DNAH17: variants seen among roughly 807,000 people sequenced by gnomAD.
The protein encoded by DNAH17 is dynein axonemal heavy chain 17, also known as axonemal beta dynein heavy chain 17.
DNAH17 carries 376 observed loss-of-function variants against 485.6 expected under a neutral mutation model. That is an observed-to-expected ratio of 0.77 (90% CI 0.71 to 0.84). DNAH17 has a LOEUF of 0.84. DNAH17 is among the 40% of genes least tolerant of loss of function. The pLI, the probability that DNAH17 is intolerant of heterozygous loss-of-function variation, is 0.00. For missense variants in DNAH17, 6,370 were observed against 5,839.3 expected (o/e 1.09, Z -2.96); for synonymous variants, 3,031 against 2,405.9 (o/e 1.26, Z -7.60).
chr17:78,531,510 T>A (rs1050231008), intron 20 of DNAH17, among the ~76,000 whole-genome samples: 1 of 151,882 alleles, frequency 6.6e-6, no homozygotes, highest in Non-Finnish European at 1.5e-5. Context: ...AGCTAATTTT[T>A]TGTATTTTCA....
chr17:78,445,030 G>A (rs527656071), intron 70 of DNAH17, among the ~76,000 whole-genome samples: 26 of 152,282 alleles, frequency 1.7e-4, no homozygotes, highest in African/African-American at 6.0e-4. Flanking sequence ...CGGACATGAG[G>A]CCTGGGATGG....
At chr17:78,466,523 G>T in intron 56 of DNAH17, 132 bp downstream of exon 56, 4 of 717,174 alleles carry the variant, frequency 5.6e-6, no homozygotes, top group Non-Finnish European at 7.8e-6. Context: ...CCTCTTAAAC[G>T]TTGAGCCCAA....
rs6501214 is a variant in DNAH17 at position 78,449,647 on chromosome 17, C to T, written c.11041-63G>A. 4.3e-3 allele frequency: 5,810 copies of T among 1,337,306 alleles called. 189 individuals carry two copies. The African/African-American group carries it at 0.072, about 17-fold the overall frequency. 82.8% of individuals were successfully genotyped at this position (1,337,306 alleles called of 1,614,324 possible). ...AGATGGAGCCCTTCACCACTCCCCG[C>T]CACCACTCCCTGCCACCTGTGGTGG... is the stretch of plus-strand genomic sequence containing the variant. On this transcript the variant is annotated intron_variant, in intron 68 of 80. Transcript: ENST00000389840.
intron 73 of DNAH17, among the ~76,000 whole-genome samples, chr17:78,438,356 C>T (rs896953819): frequency 1.0e-4 from 13 of 124,914 alleles, no homozygotes; most frequent in East Asian, 5.4e-4. Flanking sequence ...GTCGTGCTAG[C>T]GTTGAACCAA....
rs150966368 is a variant in DNAH17, at chr17:78,486,468, G to A, written c.6857C>T (p.Ser2286Leu). The change falls in exon 45 of 81, where the codon TCG becomes TTG. Residue 2286 changes from serine to leucine, a missense_variant. Ser to Leu is a moderately radical substitution (Grantham distance 145, BLOSUM62 -2). Transcript: ENST00000389840. ...GAGGATCATCAGGTTGGCCTTCTCC[G>A]ACTGCACCTTGCGCCTCTCGATCCA... ...SSWIERRKVQ[S>L]EKANLMILFD... 274 of 1,612,930 alleles carry A rather than the reference G, an allele frequency of 1.7e-4. No homozygotes were observed. In the East Asian group the frequency reaches 4.8e-3, roughly 28 times the overall value.
chr17:78,425,831 T>C (rs1480360239), intron 79 of DNAH17, among the ~76,000 whole-genome samples: 1 of 148,426 alleles, frequency 6.7e-6, no homozygotes, highest in East Asian at 1.9e-4. Context: ...AGTGGTGCAA[T>C]CTTGGCTCAA....
At chr17:78,428,767 TGTTG>T in intron 76 of DNAH17, 60 bp from the exon 77 acceptor site, 4 of 1,588,918 alleles carry the variant, frequency 2.5e-6, no homozygotes, top group Non-Finnish European at 2.6e-6. Context: ...ACCCATGTCC[TGTTG>T]GTTAAGCATT....
intron 37 of DNAH17, among the ~76,000 whole-genome samples, chr17:78,498,564 C>G (rs566624355): frequency 6.6e-6 from 1 of 152,334 alleles, no homozygotes; most frequent in Admixed American, 6.5e-5. Context: ...TCGCCCCAGC[C>G]ACTCCGCTGC....
intron 43 of DNAH17, 65 bp downstream of exon 43, chr17:78,491,378 C>G (rs955477093): frequency 6.4e-7 from 1 of 1,573,438 alleles, no homozygotes; most frequent in Non-Finnish European, 8.6e-7. Flanking sequence ...GTAGGCGCCT[C>G]CCTGTGAGCC....
rs774673257 is a variant in DNAH17, at chr17:78,501,329, C to T, written c.5338G>A (p.Ala1780Thr). ...CGGAGCTGGGCCTGCCAGGTGAAGG[C>T]CTGAGAACTCTCCACCTGCAGGATG... is the stretch of plus-strand genomic sequence containing the variant. The part of the protein sequence containing the change: ...MIVAKVESSQ[A>T]FTWQAQLRHR... The change falls in exon 35 of 81, where the codon GCC becomes ACC. Residue 1780 changes from alanine to threonine, a missense_variant. Ala to Thr is a moderately conservative substitution (Grantham distance 58, BLOSUM62 0). Coordinates refer to ENST00000389840, the MANE Select transcript of DNAH17 (RefSeq NM_173628.4). The T allele has an allele frequency of 2.5e-6, 4 of 1,595,372 alleles. No individual in the cohort carries two copies. The highest frequency in any genetic ancestry group is 1.3e-5 in the African/African-American group (1 of 74,660).
intron 16 of DNAH17, 40 bp from the exon 17 acceptor site, chr17:78,544,037 G>A (rs373299270): frequency 2.0e-5 from 33 of 1,612,800 alleles, no homozygotes; most frequent in African/African-American, 1.9e-4. Flanking sequence ...GTGTTCTGGA[G>A]AAACTGCTTT....
At chr17:78,490,509 T>G (rs1415740669) in intron 44 of DNAH17, among the ~76,000 whole-genome samples, 190 bp downstream of exon 44, 1 of 151,444 alleles carries the variant, frequency 6.6e-6, no homozygotes, top group African/African-American at 2.4e-5. Flanking sequence ...CCCTGCCTCG[T>G]GTCACTGTGA....
chr17:78,510,443 A>G lies in DNAH17; in HGVS notation c.4177T>C (p.Tyr1393His), dbSNP rs1339555890. 1.9e-6 allele frequency: 3 copies of G among 1,613,674 alleles called. No homozygotes were observed. The highest frequency in any genetic ancestry group is 1.7e-5 in the Admixed American group (1 of 60,008). The change falls in exon 27 of 81, where the codon TAC (tyrosine) becomes CAC (histidine). Residue 1393 changes from tyrosine (Y) to histidine (H), a missense_variant. Tyr to His is a moderately conservative substitution (Grantham distance 83, BLOSUM62 2). Transcript: ENST00000389840. ...ACGATGTTGCGGACCTCATCCTCGT[A>G]ACTGTGGAGGTTCAGCTGCAGTAAA... ...ADLLQLNLHS[Y>H]EDEVRNIVDK... is the part of the protein sequence containing the mutation.
At chr17:78,478,384 T>C (rs1344544980) in intron 51 of DNAH17, among the ~76,000 whole-genome samples, 2 of 133,038 alleles carry the variant, frequency 1.5e-5, no homozygotes, top group Non-Finnish European at 3.1e-5. Flanking sequence ...CTGCCACCAC[T>C]ATTATCATCA....
In DNAH17 at chr17:78,445,696, G is replaced by A; in HGVS notation, c.11212-16C>T. On this transcript the variant is annotated splice_polypyrimidine_tract_variant and intron_variant, in intron 69 of 80. Transcript: ENST00000389840. ...TGGACAGGACCTGGGGGAACATCGA[G>A]GTGTACACACTTAACGCAGCCAGTA... 1 of 1,588,850 alleles carries A rather than the reference G, an allele frequency of 6.3e-7. No homozygotes were observed. Among genetic ancestry groups the A allele is most frequent in the Middle Eastern group, 1.7e-4 (1 of 6,022 alleles).
chr17:78,500,791 G>A (rs1194678901), intron 35 of DNAH17: 2 of 222,670 alleles, frequency 9.0e-6, no homozygotes, highest in Non-Finnish European at 1.8e-5. Flanking sequence ...TTACAGGCAT[G>A]AGCCCCAGGA....
chr17:78,458,842 C>T, intron 61 of DNAH17, 159 bp downstream of exon 61: 1 of 1,039,342 alleles, frequency 9.6e-7, no homozygotes, highest in Non-Finnish European at 1.4e-6. Context: ...CAAGCGGCTC[C>T]CGGCACCATC....
chr17:78,428,617 C>G lies in DNAH17; in HGVS notation c.12496G>C (p.Val4166Leu). ...HPNAEIGFLT[V>L]TSEKLFRTVL... ...GTGCGGAACAGCTTCTCTGAGGTGACCGTCAGAAAGCCAATCTCTGCGTTG... is the reference window on the plus strand; with the variant it reads ...GTGCGGAACAGCTTCTCTGAGGTGAGCGTCAGAAAGCCAATCTCTGCGTTG... The change falls in exon 77 of 81, where the codon GTC becomes CTC. Residue 4166 changes from valine to leucine, a missense_variant. Val to Leu is a conservative substitution (Grantham distance 32, BLOSUM62 1). Transcript: ENST00000389840. 2.5e-6 allele frequency: 4 copies of G among 1,613,996 alleles called. No homozygotes were observed. Among genetic ancestry groups the G allele is most frequent in the Non-Finnish European group, 3.4e-6 (4 of 1,179,910 alleles).
At chr17:78,431,738 G>T (rs545458645) in intron 75 of DNAH17, among the ~76,000 whole-genome samples, 2 of 152,218 alleles carry the variant, frequency 1.3e-5, no homozygotes, top group South Asian at 2.1e-4. Flanking sequence ...CAGAGGGAAG[G>T]TTGGCCAGCG....
Sources: allele counts gnomAD v4.1 joint callset (sites outside exome capture counted in the v4.1 genomes callset), GRCh38; gene constraint gnomAD v4.1.1; transcripts MANE v1.5; gene names NCBI Gene and HGNC (gene_info 2026-07-23, HGNC 2026-07-21).